Variants in RHOG observed in about 807,000 individuals in gnomAD.
RHOG encodes the protein rho-related GTP-binding protein RhoG.
A neutral mutation model predicts 12.3 loss-of-function variants in RHOG; 1 was observed. That is an observed-to-expected ratio of 0.08 (90% CI 0.03 to 0.39). RHOG has a LOEUF of 0.39. Among genes scored for constraint, RHOG ranks in the 10% least tolerant of loss-of-function variants. The probability of loss-of-function intolerance (pLI) is 0.99; values close to 1 mark genes in which losing one functional copy is unlikely to be tolerated. For synonymous variants in RHOG, 129 were observed against 116.0 expected (o/e 1.11, Z -0.72); for missense variants, 114 against 266.2 (o/e 0.43, Z 3.98).
intron 1 of RHOG, among the ~76,000 whole-genome samples, chr11:3,837,021 G>A (rs2090162260): frequency 6.6e-6 from 1 of 151,772 alleles, no homozygotes; most frequent in Non-Finnish European, 1.5e-5. Context: ...GTGCACACTG[G>A]CTTCCTCCTC....
At chr11:3,829,769 C>T (rs551638650) in intron 1 of RHOG, among the ~76,000 whole-genome samples, 38 of 150,950 alleles carry the variant, frequency 2.5e-4, no homozygotes, top group Non-Finnish European at 4.3e-4. Flanking sequence ...TTTTTTGAGA[C>T]GGAGTCTTGC....
At chr11:3,831,413 A>AGT (rs57646737) in intron 1 of RHOG, among the ~76,000 whole-genome samples, 39 of 151,488 alleles carry the variant, frequency 2.6e-4, no homozygotes, top group African/African-American at 3.9e-4. Flanking sequence ...AATGAGAGAG[A>AGT]GTGTGTGTGT....
chr11:3,828,164 G>A lies in RHOG; in HGVS notation c.-26C>T. On this transcript the variant is annotated 5_prime_UTR_variant, in exon 2 of 2. Transcript: ENST00000351018. ...CGTGGGTGCAGTTGCTGTAGTGGAG[G>A]CAGTGCCTCCTCTCTCTTCTGGACC... The A allele has an allele frequency of 6.3e-7, 1 of 1,594,180 alleles. No individual in the cohort carries two copies. Among genetic ancestry groups the A allele is most frequent in the Non-Finnish European group, 8.6e-7 (1 of 1,166,052 alleles).
chr11:3,838,358 C>A (rs1377875984), intron 1 of RHOG, among the ~76,000 whole-genome samples: 2 of 152,226 alleles, frequency 1.3e-5, no homozygotes, highest in African/African-American at 2.4e-5. Flanking sequence ...CCCTGTCTCA[C>A]CCATCTTGTC....
chr11:3,836,902 C>CAA (rs57344316), intron 1 of RHOG, among the ~76,000 whole-genome samples: 13 of 29,252 alleles, frequency 4.4e-4, no homozygotes, highest in Non-Finnish European at 6.0e-4. Context: ...GACTCCATCT[C>CAA]AAAAAAAAAA....
intron 1 of RHOG, among the ~76,000 whole-genome samples, chr11:3,835,837 A>AGTTT (rs76905884): frequency 0.08 from 12,204 of 151,962 alleles, 537 homozygotes; most frequent in Middle Eastern, 0.16. Context: ...AAGCTCTACA[A>AGTTT]GTTTGTTTGT....
At chr11:3,840,308 A>G (rs1327639390) in intron 1 of RHOG, among the ~76,000 whole-genome samples, 2 of 152,082 alleles carry the variant, frequency 1.3e-5, no homozygotes, top group African/African-American at 4.8e-5. Flanking sequence ...AGACATACAG[A>G]CAACGACTGG....
At chr11:3,832,420 T>G (rs983947664) in intron 1 of RHOG, among the ~76,000 whole-genome samples, 2 of 152,202 alleles carry the variant, frequency 1.3e-5, no homozygotes, top group Non-Finnish European at 2.9e-5. Flanking sequence ...GTGACCTTGA[T>G]CAGGTAAGTT....
At chr11:3,828,581 G>T (rs936848958) in intron 1 of RHOG, among the ~76,000 whole-genome samples, 1 of 150,170 alleles carries the variant, frequency 6.7e-6, no homozygotes, top group African/African-American at 2.5e-5. Context: ...TATAATACAT[G>T]TAAAGCATTT....
intron 1 of RHOG, among the ~76,000 whole-genome samples, chr11:3,837,558 T>C (rs1033123793): frequency 6.6e-6 from 1 of 152,160 alleles, no homozygotes; most frequent in East Asian, 1.9e-4. Flanking sequence ...ACTGTTGCCT[T>C]TGGAGGTACT....
chr11:3,839,056 T>G (rs1246195464), intron 1 of RHOG, among the ~76,000 whole-genome samples: 2 of 152,192 alleles, frequency 1.3e-5, no homozygotes, highest in Non-Finnish European at 2.9e-5. Flanking sequence ...CAGACACTTT[T>G]GCCTCCGCCG....
intron 1 of RHOG, among the ~76,000 whole-genome samples, chr11:3,837,505 T>C (rs2090164837): frequency 6.6e-6 from 1 of 152,048 alleles, no homozygotes; most frequent in Non-Finnish European, 1.5e-5. Context: ...GGCACTGCTA[T>C]GAGCAGTCTC....
At chr11:3,839,441 G>T (rs1565085485) in intron 1 of RHOG, among the ~76,000 whole-genome samples, 2 of 151,568 alleles carry the variant, frequency 1.3e-5, no homozygotes, top group East Asian at 3.9e-4. Context: ...CAGTTATTTT[G>T]TCTGTAAGAG....
At chr11:3,836,604 A>T (rs1590480436) in intron 1 of RHOG, among the ~76,000 whole-genome samples, 1 of 151,630 alleles carries the variant, frequency 6.6e-6, no homozygotes, top group Admixed American at 6.6e-5. Context: ...GTGTTCCATA[A>T]AAGGTGAGCC....
intron 1 of RHOG, among the ~76,000 whole-genome samples, chr11:3,837,452 C>T (rs1183623032): frequency 2.0e-5 from 3 of 152,178 alleles, no homozygotes; most frequent in African/African-American, 7.2e-5. Context: ...CTACTCGGAC[C>T]TGTCAAATTG....
chr11:3,828,789 T>TG lies in RHOG; in HGVS notation c.-68-584_-68-583insC, dbSNP rs1175216662. ...GCACCCACCACCACGCCCGGCTAAT[T>TG]TTTTGTATTTTTAGTAGAGATGGGG... is the stretch of plus-strand genomic sequence containing the variant. On this transcript the variant is annotated intron_variant, in intron 1 of 1. Transcript: ENST00000351018. Among the ~76,000 whole-genome samples the TG allele has an allele frequency of 7.3e-5, 11 of 151,596 alleles. No individual in the cohort carries two copies. The East Asian group carries it at 2.1e-3, about 30-fold the overall frequency.
At chr11:3,830,999 C>T (rs1455223980) in intron 1 of RHOG, among the ~76,000 whole-genome samples, 5 of 152,088 alleles carry the variant, frequency 3.3e-5, no homozygotes, top group African/African-American at 1.2e-4. Context: ...ACAACCAGGG[C>T]CTGCTCCCTG....
At chr11:3,828,837 G>C (rs7928606) in intron 1 of RHOG, among the ~76,000 whole-genome samples, 1 of 151,424 alleles carries the variant, frequency 6.6e-6, no homozygotes, top group Non-Finnish European at 1.5e-5. Flanking sequence ...GGCCAGGATG[G>C]TCTCGATCTC....
intron 1 of RHOG, among the ~76,000 whole-genome samples, chr11:3,833,351 C>T (rs1331526126): frequency 6.6e-6 from 1 of 152,220 alleles, no homozygotes; most frequent in Non-Finnish European, 1.5e-5. Flanking sequence ...AACTCCTGGT[C>T]TCAAGTGATC....
Sources: gnomAD v4.1 joint callset for allele counts (sites outside exome capture counted in the v4.1 genomes callset) on GRCh38, gnomAD v4.1.1 for gene constraint, MANE v1.5 for transcripts, NCBI Gene and HGNC (gene_info 2026-07-23, HGNC 2026-07-21) for gene names.